NXPH1: variants seen among roughly 807,000 people sequenced by gnomAD.
NXPH1 encodes neurexophilin-1.
In NXPH1, 5 loss-of-function variants were observed where a neutral mutation model predicts 23.7. The observed-to-expected ratio is 0.21, with a 90% CI of 0.11 to 0.44. NXPH1 has a LOEUF of 0.44. NXPH1 is among the 20% of genes least tolerant of loss of function. NXPH1 has a pLI of 0.99. For missense variants in NXPH1, 324 were observed against 321.6 expected (o/e 1.01, Z -0.06); for synonymous variants, 144 against 122.2 (o/e 1.18, Z -1.18).
At chr7:8,735,874 G>C (rs1328728641) in intron 2 of NXPH1, among the ~76,000 whole-genome samples, 1 of 152,130 alleles carries the variant, frequency 6.6e-6, no homozygotes, top group Non-Finnish European at 1.5e-5. Context: ...GAGGGTGTAT[G>C]TGTCCAGGAA....
At chr7:8,548,125 A>G (rs1386841743) in intron 2 of NXPH1, among the ~76,000 whole-genome samples, 1 of 151,542 alleles carries the variant, frequency 6.6e-6, no homozygotes, top group Non-Finnish European at 1.5e-5. Context: ...CATTCCCAAA[A>G]GGTATAATTC....
intron 2 of NXPH1, chr7:8,690,181 C>G (rs1176314611): frequency 1.3e-5 from 2 of 152,194 alleles, no homozygotes; most frequent in African/African-American, 4.8e-5. Context: ...CTAACATCTG[C>G]CAGAAGAGTG....
intron 2 of NXPH1, among the ~76,000 whole-genome samples, chr7:8,545,641 G>A (rs1019427049): frequency 6.6e-6 from 1 of 151,432 alleles, no homozygotes; most frequent in Non-Finnish European, 1.5e-5. Context: ...GCTCAGTTAG[G>A]TCAATTAGTG....
At chr7:8,694,264 T>C (rs961445133) in intron 2 of NXPH1, among the ~76,000 whole-genome samples, 5 of 152,206 alleles carry the variant, frequency 3.3e-5, no homozygotes, top group African/African-American at 1.2e-4. Flanking sequence ...GTCTCTGAGA[T>C]TCAGATGCCC....
intron 2 of NXPH1, among the ~76,000 whole-genome samples, chr7:8,527,818 A>G (rs1484145141): frequency 2.0e-5 from 3 of 152,222 alleles, no homozygotes; most frequent in Non-Finnish European, 4.4e-5. Flanking sequence ...TGGCAAAAGG[A>G]CACCCACAAC....
intron 2 of NXPH1, among the ~76,000 whole-genome samples, chr7:8,549,012 G>T (rs117983365): frequency 1.3e-5 from 2 of 151,476 alleles, no homozygotes; most frequent in African/African-American, 4.8e-5. Context: ...AGTAAAAGCT[G>T]TTGTAGAACT....
intron 2 of NXPH1, among the ~76,000 whole-genome samples, chr7:8,701,839 T>A (rs1779627631): frequency 6.6e-6 from 1 of 152,068 alleles, no homozygotes; most frequent in African/African-American, 2.4e-5. Context: ...ATAATAACAA[T>A]CAAGTCTATT....
intron 2 of NXPH1, among the ~76,000 whole-genome samples, chr7:8,699,864 C>T (rs915704659): frequency 1.3e-5 from 2 of 152,026 alleles, no homozygotes; most frequent in African/African-American, 4.8e-5. Flanking sequence ...TTTGTGCTGT[C>T]TTTGTCTTAT....
At position 8,751,888 on chromosome 7, in the gene NXPH1, C is replaced by T; in HGVS notation, c.*119C>T. 1 of 925,384 alleles carries T rather than the reference C, an allele frequency of 1.1e-6. No individual in the cohort carries two copies. The allele number at this position is 925,384 out of a possible 1,614,324, so 57.3% of individuals were successfully genotyped here. A position where few individuals can be genotyped will look rare whatever the true frequency, so the allele number is the denominator to read the frequency against. On this transcript the variant is annotated 3_prime_UTR_variant, in exon 3 of 3. Transcript: ENST00000405863. The surrounding 1 kb of genome is among the most constrained non-coding windows in gnomAD (Gnocchi z 4.5). Reference sequence around the variant, plus strand: ...AATGTGTCTACACTGCTGCTCTTGTCAACTGGCTGCAAAATACACTAGTGG... The same window carrying T: ...AATGTGTCTACACTGCTGCTCTTGTTAACTGGCTGCAAAATACACTAGTGG...
At position 8,454,311 on chromosome 7, in the gene NXPH1, T is replaced by C. The variant is rs183013454; in HGVS notation, c.54+18544T>C. On this transcript the variant is annotated intron_variant, in intron 2 of 2. Transcript: ENST00000405863. Reference sequence around the variant, plus strand: ...GGACTGCCTTTGGAACCCAGTAGTTTAGCAGTGAACTCTGTGATATGGTTG... The same window carrying C: ...GGACTGCCTTTGGAACCCAGTAGTTCAGCAGTGAACTCTGTGATATGGTTG... Among the ~76,000 whole-genome samples, 3 of 152,156 alleles carry C rather than the reference T, an allele frequency of 2.0e-5. No homozygotes were observed. The East Asian group carries it at 5.8e-4, about 29-fold the overall frequency.
chr7:8,450,407 A>C (rs1414817615), intron 2 of NXPH1, among the ~76,000 whole-genome samples: 1 of 152,264 alleles, frequency 6.6e-6, no homozygotes, highest in East Asian at 1.9e-4. Flanking sequence ...CAGTCAAAAG[A>C]GTTTCAGACA....
At chr7:8,531,050 A>C (rs1172393122) in intron 2 of NXPH1, among the ~76,000 whole-genome samples, 1 of 152,168 alleles carries the variant, frequency 6.6e-6, no homozygotes, top group Non-Finnish European at 1.5e-5. Context: ...CATTATTTTC[A>C]TCTTTGCTCT....
intron 2 of NXPH1, among the ~76,000 whole-genome samples, chr7:8,633,154 C>T (rs979458097): frequency 4.6e-5 from 7 of 152,104 alleles, no homozygotes; most frequent in Admixed American, 3.3e-4. Context: ...AGTAACAGGC[C>T]GGGCATGGTG....
intron 2 of NXPH1, among the ~76,000 whole-genome samples, chr7:8,671,097 A>G (rs116297731): frequency 0.014 from 2,064 of 152,282 alleles, 36 homozygotes; most frequent in African/African-American, 0.046. Context: ...AAGGCTACCC[A>G]TTTTTCAGAT....
At chr7:8,523,401 G>A (rs775715962) in intron 2 of NXPH1, among the ~76,000 whole-genome samples, 9 of 152,178 alleles carry the variant, frequency 5.9e-5, no homozygotes, top group Non-Finnish European at 8.8e-5. Flanking sequence ...CTTCTCTCAT[G>A]ATTGTACAAA....
At chr7:8,586,144 G>T (rs1429981095) in intron 2 of NXPH1, among the ~76,000 whole-genome samples, 1 of 152,082 alleles carries the variant, frequency 6.6e-6, no homozygotes, top group Non-Finnish European at 1.5e-5. Flanking sequence ...AGATAAGAAT[G>T]GAATCAATTG....
At chr7:8,490,615 C>T (rs779905335) in intron 2 of NXPH1, among the ~76,000 whole-genome samples, 16 of 151,988 alleles carry the variant, frequency 1.1e-4, no homozygotes, top group Admixed American at 2.6e-4. Flanking sequence ...TGAAGCAGAT[C>T]GGTTCCAATG....
intron 2 of NXPH1, among the ~76,000 whole-genome samples, chr7:8,689,231 A>G (rs748081256): frequency 1.3e-5 from 2 of 152,184 alleles, no homozygotes; most frequent in South Asian, 4.1e-4. Context: ...AGCTGGAAAA[A>G]ATAAAGTAGC....
At chr7:8,534,259 GA>G (rs1817993300) in intron 2 of NXPH1, among the ~76,000 whole-genome samples, 1 of 152,030 alleles carries the variant, frequency 6.6e-6, no homozygotes, top group South Asian at 2.1e-4. Context: ...GTCGGAGAAG[GA>G]AATGTGATGA....
Sources: allele counts gnomAD v4.1 joint callset (sites outside exome capture counted in the v4.1 genomes callset), GRCh38; gene constraint gnomAD v4.1.1; non-coding constraint Gnocchi (gnomAD v3.1); transcripts MANE v1.5; gene names NCBI Gene and HGNC (gene_info 2026-07-23, HGNC 2026-07-21).